Variants in AGMO observed in about 807,000 individuals in gnomAD.
The protein encoded by AGMO is alkylglycerol monooxygenase, also known as glyceryl-ether monooxygenase.
A neutral mutation model predicts 60.2 loss-of-function variants in AGMO; 75 were observed. That is an observed-to-expected ratio of 1.25 (90% CI 1.03 to 1.51). AGMO has a LOEUF of 1.51. Ranked by LOEUF, AGMO falls within the 40% of genes most tolerant of loss-of-function variation. The pLI is 0.00. For synonymous variants in AGMO, 261 were observed against 177.1 expected, an observed-to-expected ratio of 1.47 and a Z score of -3.76; for missense variants, 763 against 525.5, an observed-to-expected ratio of 1.45 and a Z score of -4.42.
intron 10 of AGMO, among the ~76,000 whole-genome samples, chr7:15,366,689 T>C (rs184495580): frequency 1.3e-5 from 2 of 152,146 alleles, no homozygotes; most frequent in East Asian, 3.9e-4. Flanking sequence ...ATAAAGGAGA[T>C]TACACATATA....
intron 12 of AGMO, among the ~76,000 whole-genome samples, chr7:15,281,950 C>G (rs973724639): frequency 1.3e-5 from 2 of 152,120 alleles, no homozygotes; most frequent in Non-Finnish European, 1.5e-5. Flanking sequence ...AAAAGGCCCT[C>G]TATAGCCTAG....
intron 12 of AGMO, among the ~76,000 whole-genome samples, chr7:15,209,505 GT>G (rs1434816786): frequency 6.6e-6 from 1 of 152,068 alleles, no homozygotes; most frequent in Non-Finnish European, 1.5e-5. Flanking sequence ...CTTTCGTATT[GT>G]TTTTGTTTAT....
At chr7:15,506,645 A>G (rs1313875449) in intron 3 of AGMO, among the ~76,000 whole-genome samples, 2 of 152,076 alleles carry the variant, frequency 1.3e-5, no homozygotes, top group African/African-American at 2.4e-5. Context: ...TGGCAATTCT[A>G]TTGTACCTGA....
chr7:15,413,440 C>T (rs1434552912), intron 5 of AGMO, among the ~76,000 whole-genome samples: 1 of 152,012 alleles, frequency 6.6e-6, no homozygotes, highest in Non-Finnish European at 1.5e-5. Flanking sequence ...GACCAGGACC[C>T]CTTAACTCCA....
chr7:15,370,529 T>C (rs1783166910), intron 10 of AGMO, among the ~76,000 whole-genome samples: 1 of 152,236 alleles, frequency 6.6e-6, no homozygotes, highest in Non-Finnish European at 1.5e-5. Context: ...TGTGTTCCCT[T>C]TTCTTTTTAG....
At chr7:15,519,572 GA>G (rs1783923296) in intron 3 of AGMO, among the ~76,000 whole-genome samples, 1 of 152,072 alleles carries the variant, frequency 6.6e-6, no homozygotes, top group Non-Finnish European at 1.5e-5. Context: ...CATAAGTGAA[GA>G]AAAAATAAAA....
intron 12 of AGMO, among the ~76,000 whole-genome samples, chr7:15,210,925 G>T (rs1781571257): frequency 6.6e-6 from 1 of 152,020 alleles, no homozygotes; most frequent in African/African-American, 2.4e-5. Context: ...AAGTGATACT[G>T]TTAATTCAAA....
At chr7:15,147,243 G>T in the AGMO span, among the ~76,000 whole-genome samples, 1 of 152,030 alleles carries the variant, frequency 6.6e-6, no homozygotes, top group Non-Finnish European at 1.5e-5. Flanking sequence ...CCCTGTATTA[G>T]TCTGTTCTCA....
At chr7:15,258,941 T>C (rs975003218) in intron 12 of AGMO, among the ~76,000 whole-genome samples, 6 of 152,034 alleles carry the variant, frequency 3.9e-5, no homozygotes, top group Non-Finnish European at 2.9e-5. Context: ...TTGAATCTCA[T>C]AGTCTACCTA....
At chr7:15,267,398 G>A (rs1583344699) in intron 12 of AGMO, among the ~76,000 whole-genome samples, 1 of 151,912 alleles carries the variant, frequency 6.6e-6, no homozygotes, top group African/African-American at 2.4e-5. Flanking sequence ...ATGAAAAAAA[G>A]TGAGCTTCTC....
chr7:15,397,355 C>G (rs1347196914), intron 5 of AGMO, among the ~76,000 whole-genome samples: 1 of 151,774 alleles, frequency 6.6e-6, no homozygotes, highest in Non-Finnish European at 1.5e-5. Flanking sequence ...GCGAGCGCCT[C>G]GCGCAGCCCC....
At chr7:15,472,410 C>A (rs1023922503) in intron 3 of AGMO, among the ~76,000 whole-genome samples, 6 of 151,894 alleles carry the variant, frequency 4.0e-5, no homozygotes, top group Admixed American at 3.9e-4. Flanking sequence ...CACATTTCCT[C>A]ATCTTTGAAA....
At chr7:15,381,416 GA>G (rs143136244) in intron 10 of AGMO, among the ~76,000 whole-genome samples, 9 of 148,988 alleles carry the variant, frequency 6.0e-5, no homozygotes, top group Non-Finnish European at 9.0e-5. Context: ...ACAATCATAT[GA>G]AAAAAAAAAG....
Position 15,385,567 on chromosome 7 carries a change from G to A in AGMO, c.958-5C>T. The A allele has an allele frequency of 6.5e-7, 1 of 1,545,224 alleles. No individual in the cohort carries two copies. The highest frequency in any genetic ancestry group is 8.9e-7 in the Non-Finnish European group (1 of 1,118,282). On this transcript the variant is annotated splice_region_variant and splice_polypyrimidine_tract_variant and intron_variant, in intron 9 of 12. Coordinates refer to ENST00000342526, the MANE Select transcript of AGMO (RefSeq NM_001004320.2). ...GGGAACTTCTTTGCCGGTGACCTAG[G>A]GAGACAAGAACCATTTCCTTTATAT...
intron 12 of AGMO, among the ~76,000 whole-genome samples, chr7:15,233,192 C>G (rs756873134): frequency 2.6e-5 from 4 of 152,166 alleles, no homozygotes; most frequent in Non-Finnish European, 4.4e-5. Flanking sequence ...TAAATTTCCA[C>G]ATGAGGACAT....
intron 3 of AGMO, among the ~76,000 whole-genome samples, chr7:15,434,119 G>T (rs1158604008): frequency 6.6e-6 from 1 of 152,000 alleles, no homozygotes; most frequent in Non-Finnish European, 1.5e-5. Context: ...GGTTGTGGTA[G>T]TCAGACTTCA....
chr7:15,198,762 A>G (rs563259133), downstream of AGMO, among the ~76,000 whole-genome samples: 3 of 152,240 alleles, frequency 2.0e-5, no homozygotes, highest in African/African-American at 7.2e-5. Flanking sequence ...GGGGGCCACA[A>G]GACCAGATGA....
At chr7:15,300,227 G>C (rs1412124498) in intron 12 of AGMO, among the ~76,000 whole-genome samples, 5 of 152,094 alleles carry the variant, frequency 3.3e-5, no homozygotes, top group Admixed American at 3.3e-4. Context: ...AAAAATTAAA[G>C]CACAGTGAGG....
intron 10 of AGMO, among the ~76,000 whole-genome samples, chr7:15,367,290 C>T (rs1228690296): frequency 1.3e-5 from 2 of 151,568 alleles, no homozygotes; most frequent in Non-Finnish European, 2.9e-5. Flanking sequence ...TGTAACAAAA[C>T]ATTTTTGTCA....
Sources: gnomAD v4.1 joint callset for allele counts (sites outside exome capture counted in the v4.1 genomes callset) on GRCh38, gnomAD v4.1.1 for gene constraint, MANE v1.5 for transcripts, NCBI Gene and HGNC (gene_info 2026-07-23, HGNC 2026-07-21) for gene names.